NEK11: variants seen among roughly 807,000 people sequenced by gnomAD.
The protein encoded by NEK11 is NIMA related kinase 11, also known as serine/threonine-protein kinase Nek11.
NEK11 carries 72 observed loss-of-function variants against 80.7 expected under a neutral mutation model. The ratio of observed to expected loss-of-function variants is 0.89; its 90% CI spans 0.74 to 1.08. NEK11 has a LOEUF of 1.08. Among genes scored for constraint, NEK11 ranks in the 50% least tolerant of loss-of-function variants. The pLI, the probability that NEK11 is intolerant of heterozygous loss-of-function variation, is 0.00. For synonymous variants in NEK11, 251 were observed against 260.7 expected (o/e 0.96, Z 0.36); for missense variants, 764 against 763.6 (o/e 1.00, Z -0.01).
rs371635327 is a variant in NEK11, at chr3:131,335,179, A to T, written c.1719-14378A>T. 5.9e-5 allele frequency among the ~76,000 whole-genome samples: 9 copies of T among 152,290 alleles called. No homozygotes were observed. The South Asian group carries it at 6.2e-4, about 11-fold the overall frequency. On this transcript the variant is annotated intron_variant, in intron 17 of 17. Coordinates refer to ENST00000383366, the MANE Select transcript of NEK11 (RefSeq NM_024800.5). Reference sequence around the variant, plus strand: ...GAGACACAACCAAAAAAGAGAATTTAAGACCAATATCCTTGATGAACATTG... The same window carrying T: ...GAGACACAACCAAAAAAGAGAATTTTAGACCAATATCCTTGATGAACATTG...
chr3:131,337,324 A>T (rs1327591350), intron 17 of NEK11, among the ~76,000 whole-genome samples: 1 of 152,142 alleles, frequency 6.6e-6, no homozygotes, highest in African/African-American at 2.4e-5. Context: ...AGGGACATGG[A>T]TGAAATTGGA....
intron 3 of NEK11, among the ~76,000 whole-genome samples, chr3:131,031,324 TCTTTAATC>T (rs2064813467): frequency 1.3e-5 from 2 of 152,214 alleles, no homozygotes; most frequent in South Asian, 4.1e-4. Flanking sequence ...GGATTTTTTC[TCTTTAATC>T]CTAGAGGTGC....
chr3:131,158,947 T>C (rs545314797), intron 10 of NEK11, among the ~76,000 whole-genome samples: 1 of 152,156 alleles, frequency 6.6e-6, no homozygotes, highest in South Asian at 2.1e-4. Flanking sequence ...GTTGACGACC[T>C]TGAGGAGCCA....
chr3:131,041,613 A>G lies in NEK11; in HGVS notation c.170+11735A>G, dbSNP rs539983201. Among the ~76,000 whole-genome samples, 49 of 152,062 alleles carry G rather than the reference A, an allele frequency of 3.2e-4. 1 individual carries two copies. The South Asian group carries it at 0.01, about 32-fold the overall frequency. ...TGTGTATATGTGTATGCATTTTTTAATTGGACAGTTTTTTAGTTCAACACT... is the reference window on the plus strand; with the variant it reads ...TGTGTATATGTGTATGCATTTTTTAGTTGGACAGTTTTTTAGTTCAACACT... On this transcript the variant is annotated intron_variant, in intron 3 of 17. Transcript: ENST00000383366.
rs148912275 is a variant in NEK11, at chr3:131,109,817, C to T, written c.351C>T (p.Asp117=). 391 of 1,597,786 alleles carry T rather than the reference C, an allele frequency of 2.4e-4. 1 individual carries two copies. The highest frequency in any genetic ancestry group is 3.1e-4 in the Non-Finnish European group (363 of 1,174,904). ...ITEYCEGRDL[D]DKIQEYKQAG... ...CTTCATTTCAGGGCCGAGATCTGGA[C>T]GATAAAATTCAGGAATATAAACAAG... Residue 117 remains aspartate (D), a synonymous_variant, in exon 5 of 18, where the codon GAC becomes GAT. Transcript: ENST00000383366.
At chr3:131,300,328 CTGTT>C (rs768856180) in intron 17 of NEK11, among the ~76,000 whole-genome samples, 9 of 152,018 alleles carry the variant, frequency 5.9e-5, no homozygotes, top group Non-Finnish European at 1.2e-4. Flanking sequence ...ATTCTGTAGG[CTGTT>C]TGTTTACTCT....
intron 7 of NEK11, among the ~76,000 whole-genome samples, chr3:131,141,521 G>A (rs2086899110): frequency 6.6e-6 from 1 of 152,152 alleles, no homozygotes; most frequent in Non-Finnish European, 1.5e-5. Context: ...CATTCATGAA[G>A]GGCCTCAAAT....
chr3:131,334,607 TAAC>T (rs1273529398), intron 17 of NEK11, among the ~76,000 whole-genome samples: 1 of 150,184 alleles, frequency 6.7e-6, no homozygotes, highest in Non-Finnish European at 1.5e-5. Context: ...AGGCAAGAAA[TAAC>T]TAAAATCAGA....
intron 16 of NEK11, among the ~76,000 whole-genome samples, chr3:131,272,463 C>CTTCTTTTT (rs2096210843): frequency 9.1e-5 from 4 of 43,900 alleles, no homozygotes; most frequent in Admixed American, 3.1e-4. Context: ...GTTTTAGCTT[C>CTTCTTTTT]TTTTTTTTTT....
chr3:131,066,921 A>G (rs983436393), intron 3 of NEK11, among the ~76,000 whole-genome samples: 2 of 151,692 alleles, frequency 1.3e-5, no homozygotes, highest in Non-Finnish European at 2.9e-5. Flanking sequence ...GTGGTTTGTC[A>G]CTTAACAGAC....
chr3:131,067,806 C>A (rs2072320190), intron 3 of NEK11, among the ~76,000 whole-genome samples: 1 of 152,126 alleles, frequency 6.6e-6, no homozygotes, highest in African/African-American at 2.4e-5. Context: ...TGTACTTTAT[C>A]ATTACTGGGA....
chr3:131,089,238 G>T (rs1276478101), intron 4 of NEK11, among the ~76,000 whole-genome samples: 1 of 152,144 alleles, frequency 6.6e-6, no homozygotes, highest in Non-Finnish European at 1.5e-5. Context: ...GATTCCTTGG[G>T]TCTATGTGGA....
chr3:131,334,390 G>A (rs1242765170), intron 17 of NEK11, among the ~76,000 whole-genome samples: 1 of 151,654 alleles, frequency 6.6e-6, no homozygotes, highest in African/African-American at 2.4e-5. Flanking sequence ...TGAAATGAAG[G>A]CAGAAATAAA....
intron 17 of NEK11, chr3:131,329,749 T>C (rs2097040388): frequency 6.6e-6 from 1 of 152,094 alleles, no homozygotes. Context: ...AGCATTCTAG[T>C]TAGAGGGAAC....
At chr3:131,170,053 G>T (rs1436870796) in intron 13 of NEK11, among the ~76,000 whole-genome samples, 2 of 152,082 alleles carry the variant, frequency 1.3e-5, no homozygotes, top group Non-Finnish European at 2.9e-5. Context: ...TACTTATTAA[G>T]ATTAGTTTGA....
At chr3:131,217,957 A>T (rs1305078347) in intron 14 of NEK11, among the ~76,000 whole-genome samples, 1 of 152,204 alleles carries the variant, frequency 6.6e-6, no homozygotes, top group Non-Finnish European at 1.5e-5. Flanking sequence ...AGAGAAAAAA[A>T]TTTAGTCATC....
chr3:131,091,603 G>A (rs1381602036), intron 4 of NEK11, among the ~76,000 whole-genome samples: 2 of 152,134 alleles, frequency 1.3e-5, no homozygotes, highest in Admixed American at 6.6e-5. Context: ...GATATAAAAT[G>A]TATAGAATTT....
At chr3:131,062,752 G>A (rs1234404148) in intron 3 of NEK11, among the ~76,000 whole-genome samples, 6 of 152,172 alleles carry the variant, frequency 3.9e-5, no homozygotes, top group South Asian at 2.1e-4. Flanking sequence ...TAAACAAGTC[G>A]TGGTGCTAGT....
chr3:131,314,640 A>G (rs2096818155), intron 17 of NEK11, among the ~76,000 whole-genome samples: 1 of 152,166 alleles, frequency 6.6e-6, no homozygotes, highest in African/African-American at 2.4e-5. Context: ...AGCTGAGATA[A>G]TAGCTGAAAA....
Sources: gnomAD v4.1 joint callset for allele counts (sites outside exome capture counted in the v4.1 genomes callset) on GRCh38, gnomAD v4.1.1 for gene constraint, MANE v1.5 for transcripts, NCBI Gene and HGNC (gene_info 2026-07-23, HGNC 2026-07-21) for gene names.